OGFOD3: variants seen among roughly 807,000 people sequenced by gnomAD.
OGFOD3 encodes 2-oxoglutarate and iron dependent oxygenase domain containing 3.
OGFOD3 carries 35 observed loss-of-function variants against 39.8 expected under a neutral mutation model. The ratio of observed to expected loss-of-function variants is 0.88; its 90% CI spans 0.67 to 1.17. The LOEUF (loss-of-function observed/expected upper bound fraction) is 1.17, where lower values mean the gene tolerates loss of function less well. Among genes scored for constraint, OGFOD3 ranks in the 50% most tolerant of loss-of-function variants. The pLI is 0.00. For missense variants in OGFOD3, 438 were observed against 454.5 expected, an observed-to-expected ratio of 0.96 and a Z score of 0.33; for synonymous variants, 200 against 192.0, an observed-to-expected ratio of 1.04 and a Z score of -0.34.
At chr17:82,397,415 T>G (rs1343059523) in intron 8 of OGFOD3, among the ~76,000 whole-genome samples, 816 of 5,032 alleles carry the variant, frequency 0.16, no homozygotes, top group Middle Eastern at 0.2. Flanking sequence ...GGGGGGGGGG[T>G]GAGGGCAGTG....
At chr17:82,405,968 A>C (rs2052849050) in intron 5 of OGFOD3, among the ~76,000 whole-genome samples, 1 of 152,086 alleles carries the variant, frequency 6.6e-6, no homozygotes, top group African/African-American at 2.4e-5. Flanking sequence ...TAATAATAAT[A>C]AAAACAAGGA....
In OGFOD3 at chr17:82,392,505, C is replaced by G. The variant is rs529453015; in HGVS notation, c.853G>C (p.Glu285Gln). Residue 285 changes from glutamate (E) to glutamine (Q), a missense_variant, in exon 9 of 9, where the codon GAG becomes CAG. By Grantham distance (29) the Glu-to-Gln change is conservative. Transcript: ENST00000313056. This position sits in a 1 kb window ranked among gnomAD's most constrained non-coding sequence, Gnocchi z 4.2. ...ACCTTCTCCACGCGGTGTAGGTTCT[C>G]GGACCCCGAGGTGAAGAAGGAGACG... ...GRVSFFTSGSENLHRVEKVHW... is the reference protein window; with the variant it reads ...GRVSFFTSGSQNLHRVEKVHW... The G allele has an allele frequency of 1.3e-6, 2 of 1,599,006 alleles. No individual in the cohort carries two copies. The highest frequency in any genetic ancestry group is 3.5e-5 in the Admixed American group (2 of 57,356).
At position 82,418,457 on chromosome 17, in the gene OGFOD3, T is replaced by C; in HGVS notation, c.29A>G (p.Lys10Arg). 1 of 1,474,846 alleles carries C rather than the reference T, an allele frequency of 6.8e-7. No individual in the cohort carries two copies. Among genetic ancestry groups the C allele is most frequent in the South Asian group, 1.3e-5 (1 of 78,660 alleles). The allele number at this position is 1,474,846 out of a possible 1,614,324, so 91.4% of individuals were successfully genotyped here. A position where few individuals can be genotyped will look rare whatever the true frequency, so the allele number is the denominator to read the frequency against. MAPQRRAATKAPEGNGAAER... is the reference protein window; with the variant it reads MAPQRRAATRAPEGNGAAER... ...GGCCGCTCCGTTGCCCTCGGGCGCC[T>C]TGGTTGCGGCCCTCCGCTGAGGAGC... Residue 10 changes from lysine (K) to arginine (R), a missense_variant, in exon 1 of 9, where the codon AAG becomes AGG. Physicochemically the swap from Lys to Arg is conservative, Grantham distance 26 (BLOSUM62 2). Coordinates refer to ENST00000313056, the MANE Select transcript of OGFOD3 (RefSeq NM_024648.3).
At chr17:82,409,758 G>A (rs942123449) in intron 3 of OGFOD3, among the ~76,000 whole-genome samples, 10 of 152,180 alleles carry the variant, frequency 6.6e-5, no homozygotes, top group Admixed American at 6.5e-4. Flanking sequence ...AGCCAGCTGT[G>A]ATGGCAGGTG....
At position 82,405,480 on chromosome 17, in the gene OGFOD3, C is replaced by T. The variant is rs532652527; in HGVS notation, c.489-100G>A. ...TTCCTCAAGTCCCTGAAAATCAACTCACACATTCAGAGCAACTCCATTTCC... is the reference window on the plus strand; with the variant it reads ...TTCCTCAAGTCCCTGAAAATCAACTTACACATTCAGAGCAACTCCATTTCC... On this transcript the variant is annotated intron_variant, in intron 5 of 8. Transcript: ENST00000313056. The T allele has an allele frequency of 1.4e-3, 1,372 of 1,014,136 alleles. 5 individuals are homozygous for T. The highest frequency in any genetic ancestry group is 1.8e-3 in the Non-Finnish European group (1,136 of 645,696). The allele number at this position is 1,014,136 out of a possible 1,614,324, so 62.8% of individuals were successfully genotyped here. A position where few individuals can be genotyped will look rare whatever the true frequency, so the allele number is the denominator to read the frequency against.
intron 4 of OGFOD3, among the ~76,000 whole-genome samples, chr17:82,409,102 G>T (rs1386071162): frequency 6.6e-6 from 1 of 152,194 alleles, no homozygotes; most frequent in Non-Finnish European, 1.5e-5. Flanking sequence ...CTATCCCCCA[G>T]TGTGAACTGG....
Position 82,406,587 on chromosome 17 carries a change from C to A in OGFOD3, c.424-105G>T. The A allele has an allele frequency of 1.1e-6, 1 of 937,190 alleles. No homozygotes were observed. The highest frequency in any genetic ancestry group is 1.7e-6 in the Non-Finnish European group (1 of 580,846). 58.1% of individuals were successfully genotyped at this position (937,190 alleles called of 1,614,324 possible). A position where few individuals can be genotyped will look rare whatever the true frequency, so the allele number is the denominator to read the frequency against. On this transcript the variant is annotated intron_variant, in intron 4 of 8. Transcript: ENST00000313056. The surrounding 1 kb of genome is among the most constrained non-coding windows in gnomAD (Gnocchi z 5.2). ...GTTTCCAAGGTCTGGCCAGCACACA[C>A]CTCAGGTGTTTTTTTGTTTTTGTTT...
Position 82,392,388 on chromosome 17 carries a change from C to A in OGFOD3, c.*10G>T. 6.2e-7 allele frequency: 1 copy of A among 1,608,072 alleles called. No homozygotes were observed. The highest frequency in any genetic ancestry group is 8.5e-7 in the Non-Finnish European group (1 of 1,178,314). On this transcript the variant is annotated 3_prime_UTR_variant, in exon 9 of 9. Coordinates refer to ENST00000313056, the MANE Select transcript of OGFOD3 (RefSeq NM_024648.3). The surrounding 1 kb of genome is among the most constrained non-coding windows in gnomAD (Gnocchi z 4.2). ...GGGCCCTCCTGAAGTTACCTTGGCC[C>A]GGCTGCTGGCTACGGGAACGCTGGG...
At position 82,407,568 on chromosome 17, in the gene OGFOD3, C is replaced by T. The variant is rs546976607; in HGVS notation, c.424-1086G>A. 6.6e-5 allele frequency among the ~76,000 whole-genome samples: 10 copies of T among 152,364 alleles called. No homozygotes were observed. The East Asian group carries it at 9.6e-4, about 15-fold the overall frequency. ...CCACCCACCTCTCAGTCCTTCCCTA[C>T]GTCCTCAGAGGAAGAGGCTTCCAGC... is the stretch of plus-strand genomic sequence containing the variant. On this transcript the variant is annotated intron_variant, in intron 4 of 8. Coordinates refer to ENST00000313056, the MANE Select transcript of OGFOD3 (RefSeq NM_024648.3).
chr17:82,411,465 G>T lies in OGFOD3; in HGVS notation c.370C>A (p.Arg124=), dbSNP rs372667205. 6.2e-7 allele frequency: 1 copy of T among 1,614,016 alleles called. No individual in the cohort carries two copies. The highest frequency in any genetic ancestry group is 1.1e-5 in the South Asian group (1 of 91,078). ...GGGACAGGCGGTTACCTGCGAATCCGCTCCGCTTCCTCCCTGGTGATGACG... is the reference window on the plus strand; with the variant it reads ...GGGACAGGCGGTTACCTGCGAATCCTCTCCGCTTCCTCCCTGGTGATGACG... The part of the protein sequence containing the change: ...DVVITREEAE[R]IRSVAEKGLS... The change falls in exon 3 of 9, where the codon CGG becomes AGG. Residue 124 remains arginine (R), a synonymous_variant. Coordinates refer to ENST00000313056, the MANE Select transcript of OGFOD3 (RefSeq NM_024648.3).
intron 7 of OGFOD3, among the ~76,000 whole-genome samples, chr17:82,399,087 T>C (rs932253251): frequency 6.6e-6 from 1 of 152,136 alleles, no homozygotes; most frequent in African/African-American, 2.4e-5. Context: ...TCCTCCCACC[T>C]CAGCCTCCCG....
In OGFOD3 at chr17:82,402,504, T is replaced by C. The variant is rs180750616; in HGVS notation, c.699+1433A>G. ...GCTCACGCTTGTAATCCCAGCACTTTGGGAGGCCAAGGTGGGCAGATCACC... is the reference window on the plus strand; with the variant it reads ...GCTCACGCTTGTAATCCCAGCACTTCGGGAGGCCAAGGTGGGCAGATCACC... On this transcript the variant is annotated intron_variant, in intron 7 of 8. Coordinates refer to ENST00000313056, the MANE Select transcript of OGFOD3 (RefSeq NM_024648.3). Among the ~76,000 whole-genome samples the C allele has an allele frequency of 3.1e-3, 475 of 151,572 alleles. 10 individuals carry two copies. Among genetic ancestry groups the C allele is most frequent in the Non-Finnish European group, 4.0e-3 (274 of 67,926 alleles).
intron 7 of OGFOD3, among the ~76,000 whole-genome samples, chr17:82,400,176 T>A (rs1329668744): frequency 6.6e-6 from 1 of 152,128 alleles, no homozygotes; most frequent in Admixed American, 6.5e-5. Flanking sequence ...CAGTCTCAGG[T>A]GGTGCCCTGG....
In OGFOD3 at chr17:82,404,335, G is replaced by C. The variant is rs148802351; in HGVS notation, c.546-245C>G. Reference sequence around the variant, plus strand: ...CAGCAGGACTGGGGAGGCAGAAGGGGGCCTGCAGGACCAACGCTGGGGAGG... The same window carrying C: ...CAGCAGGACTGGGGAGGCAGAAGGGCGCCTGCAGGACCAACGCTGGGGAGG... On this transcript the variant is annotated intron_variant, in intron 6 of 8. Transcript: ENST00000313056. The surrounding 1 kb of genome is among the most constrained non-coding windows in gnomAD (Gnocchi z 4.5). 3.1e-3 allele frequency among the ~76,000 whole-genome samples: 479 copies of C among 152,334 alleles called. 10 individuals are homozygous for C. The highest frequency in any genetic ancestry group is 4.0e-3 in the Non-Finnish European group (274 of 68,020).
rs1311532365 is a variant in OGFOD3 at position 82,404,822 on chromosome 17, C to A, written c.545+502G>T. ...GTGGTGCAATCTCAGCTCACTGCAA[C>A]CTCCACCTCCGGGGTTTAAGCAATT... On this transcript the variant is annotated intron_variant, in intron 6 of 8. Transcript: ENST00000313056. The surrounding 1 kb of genome is among the most constrained non-coding windows in gnomAD (Gnocchi z 4.5). 1.3e-5 allele frequency among the ~76,000 whole-genome samples: 2 copies of A among 150,616 alleles called. No individual in the cohort carries two copies. The highest frequency in any genetic ancestry group is 4.9e-5 in the African/African-American group (2 of 40,836).
At chr17:82,399,700 G>A (rs1279404170) in intron 7 of OGFOD3, among the ~76,000 whole-genome samples, 3 of 152,226 alleles carry the variant, frequency 2.0e-5, no homozygotes, top group Admixed American at 6.5e-5. Flanking sequence ...CCCCACGGAC[G>A]TGGGATCAGG....
At chr17:82,397,190 A>G (rs1199259177) in intron 8 of OGFOD3, among the ~76,000 whole-genome samples, 3 of 152,054 alleles carry the variant, frequency 2.0e-5, no homozygotes, top group Non-Finnish European at 4.4e-5. Context: ...CAAGCTGGAG[A>G]TCTTAAAAGA....
chr17:82,409,388 G>T lies in OGFOD3; in HGVS notation c.403C>A (p.Leu135Met). Residue 135 changes from leucine to methionine, a missense_variant, in exon 4 of 9, where the codon CTG (leucine) becomes ATG (methionine). Leu to Met is a conservative substitution (Grantham distance 15). Coordinates refer to ENST00000313056, the MANE Select transcript of OGFOD3 (RefSeq NM_024648.3). ...IRSVAEKGLSLGGSDGGASIL... is the reference protein window; with the variant it reads ...IRSVAEKGLSMGGSDGGASIL... ...CTCACCCCTCCGTCAGATCCTCCCA[G>T]GGAGAGCCCCTTTTCAGCTACGCTG... The T allele has an allele frequency of 6.2e-7, 1 of 1,614,092 alleles. No individual in the cohort carries two copies. Among genetic ancestry groups the T allele is most frequent in the Non-Finnish European group, 8.5e-7 (1 of 1,179,954 alleles).
intron 2 of OGFOD3, chr17:82,411,807 G>A (rs2052947536): frequency 2.2e-6 from 1 of 463,224 alleles, no homozygotes; most frequent in East Asian, 4.3e-5. Context: ...CCCCAGACAC[G>A]GCGTCAACAG....
Sources: allele counts gnomAD v4.1 joint callset (sites outside exome capture counted in the v4.1 genomes callset), GRCh38; gene constraint gnomAD v4.1.1; non-coding constraint Gnocchi (gnomAD v3.1); transcripts MANE v1.5; gene names NCBI Gene and HGNC (gene_info 2026-07-23, HGNC 2026-07-21).